Variants in STK17B observed in about 807,000 individuals in gnomAD.
STK17B encodes serine/threonine kinase 17b.
STK17B carries 21 observed loss-of-function variants against 42.0 expected under a neutral mutation model. The ratio of observed to expected loss-of-function variants is 0.50; its 90% CI spans 0.35 to 0.72. The LOEUF (loss-of-function observed/expected upper bound fraction) is 0.72, where lower values mean the gene tolerates loss of function less well. Among genes scored for constraint, STK17B ranks in the 30% least tolerant of loss-of-function variants. The probability of loss-of-function intolerance (pLI) is 0.00; values close to 1 mark genes in which losing one functional copy is unlikely to be tolerated. For synonymous variants in STK17B, 143 were observed against 148.4 expected (o/e 0.96, Z 0.26); for missense variants, 349 against 446.0 (o/e 0.78, Z 1.96).
At chr2:196,169,765 AG>A (rs1699916417) in intron 1 of STK17B, among the ~76,000 whole-genome samples, 1 of 152,240 alleles carries the variant, frequency 6.6e-6, no homozygotes, top group African/African-American at 2.4e-5. Context: ...AATGATCCCA[AG>A]AGAAACCGCA....
chr2:196,142,553 TTTC>T (rs1699508848), intron 5 of STK17B, among the ~76,000 whole-genome samples: 1 of 152,252 alleles, frequency 6.6e-6, no homozygotes, highest in Non-Finnish European at 1.5e-5. Context: ...GAAAAATAAG[TTTC>T]TTGTTTCACA....
chr2:196,150,915 A>C (rs910209799), intron 3 of STK17B, among the ~76,000 whole-genome samples: 1 of 152,250 alleles, frequency 6.6e-6, no homozygotes, highest in South Asian at 2.1e-4. Flanking sequence ...ATGAGAATAC[A>C]GATAACGTGC....
At chr2:196,149,714 A>G (rs1364446788) in intron 3 of STK17B, among the ~76,000 whole-genome samples, 1 of 152,230 alleles carries the variant, frequency 6.6e-6, no homozygotes, top group African/African-American at 2.4e-5. Context: ...CTAAAAGTAC[A>G]TACGCACAGA....
chr2:196,174,620 A>C (rs1353726026), upstream of STK17B, among the ~76,000 whole-genome samples: 1 of 152,218 alleles, frequency 6.6e-6, no homozygotes, highest in African/African-American at 2.4e-5. Flanking sequence ...GGCGTGGCTC[A>C]ACCCCCCACC....
chr2:196,147,781 G>T (rs1699601205), intron 3 of STK17B, among the ~76,000 whole-genome samples: 1 of 150,704 alleles, frequency 6.6e-6, no homozygotes, highest in African/African-American at 2.4e-5. Context: ...TGCCAGGCTG[G>T]AGTGCAGTGG....
upstream of STK17B, among the ~76,000 whole-genome samples, chr2:196,176,062 T>C (rs945776770): frequency 7.2e-5 from 11 of 152,216 alleles, no homozygotes; most frequent in Non-Finnish European, 1.2e-4. Flanking sequence ...AAGTAATTTT[T>C]AAATTTATCT....
chr2:196,159,396 A>C (rs1699783234), intron 2 of STK17B, among the ~76,000 whole-genome samples: 1 of 150,422 alleles, frequency 6.6e-6, no homozygotes, highest in Non-Finnish European at 1.5e-5. Flanking sequence ...CCGCAGCCTC[A>C]ACCTCCCAGG....
intron 3 of STK17B, among the ~76,000 whole-genome samples, chr2:196,149,188 G>A (rs1699627245): frequency 1.4e-5 from 2 of 145,262 alleles, no homozygotes; most frequent in Admixed American, 1.4e-4. Context: ...TCCTGAGACT[G>A]AGTCTTGCTC....
chr2:196,172,147 C>T (rs1328785893), upstream of STK17B, among the ~76,000 whole-genome samples: 1 of 152,176 alleles, frequency 6.6e-6, no homozygotes, highest in Admixed American at 6.5e-5. Flanking sequence ...GAACCTAGAC[C>T]CCACTGCTAA....
At position 196,135,888 on chromosome 2, in the gene STK17B, T is replaced by C. The variant is rs201345304; in HGVS notation, c.*1559A>G. 8.8e-5 allele frequency: 4 copies of C among 45,414 alleles called. No individual in the cohort carries two copies. In the Admixed American group the frequency reaches 1.2e-3, roughly 13 times the overall value. The allele number at this position is 45,414 out of a possible 1,614,324, so 2.8% of individuals were successfully genotyped here. A position where few individuals can be genotyped will look rare whatever the true frequency, so the allele number is the denominator to read the frequency against. On this transcript the variant is annotated 3_prime_UTR_variant, in exon 8 of 8. Transcript: ENST00000263955. ...AGAATGTATTGTATCTATCTATAGA[T>C]ATATACATACACCTGTACATACACA...
intron 3 of STK17B, chr2:196,154,869 G>T (rs1199986908): frequency 1.3e-5 from 2 of 152,204 alleles, no homozygotes; most frequent in Admixed American, 6.5e-5. Context: ...GGTAAGAAAT[G>T]TAATACATTA....
At chr2:196,151,686 T>A (rs1699668206) in intron 3 of STK17B, among the ~76,000 whole-genome samples, 1 of 152,220 alleles carries the variant, frequency 6.6e-6, no homozygotes, top group Non-Finnish European at 1.5e-5. Flanking sequence ...AAATATGCTT[T>A]AAAGACACTT....
At position 196,163,213 on chromosome 2, in the gene STK17B, A is replaced by T. The variant is rs763684719; in HGVS notation, c.122+49T>A. 8.8e-6 allele frequency: 14 copies of T among 1,594,418 alleles called. No individual in the cohort carries two copies. The South Asian group carries it at 1.1e-4, about 13-fold the overall frequency. On this transcript the variant is annotated intron_variant, in intron 2 of 7. Coordinates refer to ENST00000263955, the MANE Select transcript of STK17B (RefSeq NM_004226.4). ...AGTTTTATAGAATTATAAAAACACA[A>T]ATCCAAAATTTGAATTTAGATGGCA...
chr2:196,146,987 T>C (rs1009524514), intron 3 of STK17B, among the ~76,000 whole-genome samples: 16 of 152,240 alleles, frequency 1.1e-4, no homozygotes, highest in East Asian at 3.9e-4. Flanking sequence ...AATTCCTAGG[T>C]TTGGAATGAA....
At chr2:196,139,461 G>A (rs11888166) in intron 7 of STK17B, among the ~76,000 whole-genome samples, 159 bp downstream of exon 7, 97,548 of 151,882 alleles carry the variant, frequency 0.64, 31,634 homozygotes, top group East Asian at 0.9. Context: ...ATTTGTTAAT[G>A]ATTGCTCATA....
intron 1 of STK17B, among the ~76,000 whole-genome samples, chr2:196,169,690 G>T (rs958760376): frequency 6.6e-6 from 1 of 152,074 alleles, no homozygotes; most frequent in African/African-American, 2.4e-5. Context: ...CTAACACAGC[G>T]ATTAGTCAAA....
At chr2:196,174,407 C>CAT (rs1699980141), upstream of STK17B, 2 of 152,246 alleles carry the variant, frequency 1.3e-5, no homozygotes, top group African/African-American at 4.8e-5. Flanking sequence ...ATGTTTACTC[C>CAT]CTGTAGATGC....
chr2:196,168,939 A>C (rs760912099), intron 1 of STK17B, among the ~76,000 whole-genome samples: 2 of 152,222 alleles, frequency 1.3e-5, no homozygotes, highest in Non-Finnish European at 1.5e-5. Context: ...AGTTTTCCTA[A>C]GTGGAAAGGT....
At chr2:196,137,849 TA>T (rs1699430582) in intron 7 of STK17B, 120 bp from the exon 8 acceptor site, 2 of 1,122,108 alleles carry the variant, frequency 1.8e-6, no homozygotes, top group Admixed American at 5.6e-5. Context: ...ACTCATAGTA[TA>T]AAATCCAAAC....
Sources: allele counts gnomAD v4.1 joint callset (sites outside exome capture counted in the v4.1 genomes callset), GRCh38; gene constraint gnomAD v4.1.1; transcripts MANE v1.5; gene names NCBI Gene and HGNC (gene_info 2026-07-23, HGNC 2026-07-21).